Variants in CST4 observed in about 807,000 individuals in gnomAD.
The protein encoded by CST4 is cystatin-S.
Under a neutral mutation model 11.2 loss-of-function variants are expected in CST4, and 17 were observed. The ratio of observed to expected loss-of-function variants is 1.52; its 90% CI spans 1.04 to 2.27. CST4 has a LOEUF of 2.27. Ranked by LOEUF, CST4 falls within the 30% of genes most tolerant of loss-of-function variation. CST4 has a pLI of 0.00. For missense variants in CST4, 251 were observed against 180.2 expected, an observed-to-expected ratio of 1.39 and a Z score of -2.25; for synonymous variants, 93 against 70.1, an observed-to-expected ratio of 1.33 and a Z score of -1.63.
At chr20:23,688,195 A>G (rs1346130164) in intron 1 of CST4, among the ~76,000 whole-genome samples, 1 of 152,190 alleles carries the variant, frequency 6.6e-6, no homozygotes, top group East Asian at 1.9e-4. Flanking sequence ...ATCAGCTCGT[A>G]GAGGCAGGGC....
At chr20:23,688,070 A>G (rs1981104034) in intron 1 of CST4, among the ~76,000 whole-genome samples, 1 of 152,200 alleles carries the variant, frequency 6.6e-6, no homozygotes, top group Non-Finnish European at 1.5e-5. Context: ...CTGCTCTGCC[A>G]TGGGATGCAG....
rs753486384 is a variant in CST4, at chr20:23,685,933, G to T, written c.387C>A (p.Asp129Glu). ...SFEIYEVPWE[D>E]RMSLVNSRCQ... ...ACCTGGAATTCACCAGGGACATTCT[G>T]TCCTCCCAGGGAACTTCGTAGATCT... Residue 129 changes from aspartate to glutamate, a missense_variant, in exon 3 of 3, where the codon GAC becomes GAA. Asp to Glu is a conservative substitution (Grantham distance 45, BLOSUM62 2). Coordinates refer to ENST00000217423, the MANE Select transcript of CST4 (RefSeq NM_001899.3). 1.7e-5 allele frequency: 28 copies of T among 1,614,006 alleles called. No homozygotes were observed. Among genetic ancestry groups the T allele is most frequent in the Non-Finnish European group, 2.2e-5 (26 of 1,179,966 alleles).
chr20:23,686,175 C>A (rs1352908354), intron 2 of CST4, among the ~76,000 whole-genome samples, 198 bp from the exon 3 acceptor site: 1 of 152,120 alleles, frequency 6.6e-6, no homozygotes, highest in African/African-American at 2.4e-5. Flanking sequence ...TCCAAGTCAC[C>A]AGGTGGCATT....
intron 1 of CST4, among the ~76,000 whole-genome samples, chr20:23,687,959 G>T (rs1293740526): frequency 6.6e-6 from 1 of 152,242 alleles, no homozygotes; most frequent in Non-Finnish European, 1.5e-5. Flanking sequence ...TGTGCAGGGT[G>T]AGGGCTCCAG....
At chr20:23,686,148 A>C (rs947272228) in intron 2 of CST4, among the ~76,000 whole-genome samples, 171 bp from the exon 3 acceptor site, 2 of 152,066 alleles carry the variant, frequency 1.3e-5, no homozygotes, top group African/African-American at 4.8e-5. Flanking sequence ...TGACTGTACC[A>C]TTACCCCTCC....
At chr20:23,687,020 A>T (rs6048993) in intron 2 of CST4, 68 bp downstream of exon 2, 1 of 1,598,232 alleles carries the variant, frequency 6.3e-7, no homozygotes, top group East Asian at 2.2e-5. Flanking sequence ...CATGGGTAGG[A>T]CAGAGGCTGA....
intron 1 of CST4, among the ~76,000 whole-genome samples, 184 bp from the exon 2 acceptor site, chr20:23,687,385 T>A (rs1197535803): frequency 1.3e-5 from 2 of 152,134 alleles, no homozygotes; most frequent in South Asian, 2.1e-4. Context: ...TCATGCCCGC[T>A]CTTAAACATC....
At position 23,688,865 on chromosome 20, in the gene CST4, A is replaced by G; in HGVS notation, c.105T>C (p.Tyr35=). The G allele has an allele frequency of 6.2e-7, 1 of 1,614,182 alleles. No individual in the cohort carries two copies. Among genetic ancestry groups the G allele is most frequent in the Non-Finnish European group, 8.5e-7 (1 of 1,180,012 alleles). The change falls in exon 1 of 3, where the codon TAT becomes TAC. Residue 35 remains tyrosine (Y), a synonymous_variant. Transcript: ENST00000217423. ...CCCACTCATCATTGAGGTCTGCATC[A>G]TAGATGCCACCTGGGATTATCCTAT... ...EENRIIPGGI[Y]DADLNDEWVQ...
rs150921984 is a variant in CST4 at position 23,688,774 on chromosome 20, G to A, written c.196C>T (p.Arg66Cys). 1.0e-4 allele frequency: 161 copies of A among 1,614,174 alleles called. 1 individual carries two copies. The highest frequency in any genetic ancestry group is 6.9e-4 in the African/African-American group (52 of 75,052). ...CTGGCTCGCAGCACCTGCAGCGGGC[G>A]TCTGTAGTACTCATCTTCGGTGGCC... is the stretch of plus-strand genomic sequence containing the variant. The part of the protein sequence containing the change: ...NKATEDEYYR[R>C]PLQVLRAREQ... The change falls in exon 1 of 3, where the codon CGC becomes TGC. Residue 66 changes from arginine (R) to cysteine (C), a missense_variant. Physicochemically the swap from Arg to Cys is radical, Grantham distance 180. Coordinates refer to ENST00000217423, the MANE Select transcript of CST4 (RefSeq NM_001899.3).
rs1160956711 is a variant in CST4 at position 23,688,866 on chromosome 20, T to C, written c.104A>G (p.Tyr35Cys). 6.2e-7 allele frequency: 1 copy of C among 1,614,004 alleles called. No individual in the cohort carries two copies. Among genetic ancestry groups the C allele is most frequent in the Non-Finnish European group, 8.5e-7 (1 of 1,180,012 alleles). The stretch of plus-strand genomic sequence containing the variant: ...CCACTCATCATTGAGGTCTGCATCA[T>C]AGATGCCACCTGGGATTATCCTATT... ...EENRIIPGGI[Y>C]DADLNDEWVQ... Residue 35 changes from tyrosine to cysteine, a missense_variant, in exon 1 of 3, where the codon TAT (tyrosine) becomes TGT (cysteine). Physicochemically the swap from Tyr to Cys is radical, Grantham distance 194. Transcript: ENST00000217423.
At chr20:23,686,062 T>C (rs536098359) in intron 2 of CST4, 85 bp from the exon 3 acceptor site, 2 of 1,414,582 alleles carry the variant, frequency 1.4e-6, no homozygotes, top group African/African-American at 2.9e-5. Context: ...ACAGCCTGGG[T>C]GAGGAGGATG....
rs375884214 is a variant in CST4 at position 23,685,849 on chromosome 20, G to C, written c.*45C>G. On this transcript the variant is annotated 3_prime_UTR_variant, in exon 3 of 3. Transcript: ENST00000217423. ...GTCCAGGGGTGGGAGCACTACAGTGGGTGGGAGTGGGTGGTGGTCGGTGTG... is the reference window on the plus strand; with the variant it reads ...GTCCAGGGGTGGGAGCACTACAGTGCGTGGGAGTGGGTGGTGGTCGGTGTG... The C allele has an allele frequency of 1.3e-6, 2 of 1,597,674 alleles. No individual in the cohort carries two copies. Among genetic ancestry groups the C allele is most frequent in the South Asian group, 2.2e-5 (2 of 90,624 alleles).
In CST4 at chr20:23,687,142, C is replaced by T. The variant is rs6048994; in HGVS notation, c.288G>A (p.Lys96=). The change falls in exon 2 of 3, where the codon AAG becomes AAA. Residue 96 remains lysine, a synonymous_variant. Coordinates refer to ENST00000217423, the MANE Select transcript of CST4 (RefSeq NM_001899.3). ...CACAGGTGTCCAAGTTGGGCTGGGA[C>T]TTGGTACATATGGTGCGGCCCACCT... The part of the protein sequence containing the change: ...DVEVGRTICT[K]SQPNLDTCAF... 2.2e-3 allele frequency: 3,516 copies of T among 1,614,144 alleles called. 62 individuals are homozygous for T. The African/African-American group carries it at 0.039, about 18-fold the overall frequency.
Position 23,685,770 on chromosome 20 carries a change from T to C in CST4, c.*124A>G. 1.1e-6 allele frequency: 1 copy of C among 948,416 alleles called. No homozygotes were observed. 58.8% of individuals were successfully genotyped at this position (948,416 alleles called of 1,614,324 possible). A position where few individuals can be genotyped will look rare whatever the true frequency, so the allele number is the denominator to read the frequency against. On this transcript the variant is annotated 3_prime_UTR_variant, in exon 3 of 3. Transcript: ENST00000217423. ...CAAAGGACTCCTGCAGCCTTCTCTG[T>C]CTGTCTCTTGGCACAGGCACATGGG...
rs111636715 is a variant in CST4, at chr20:23,687,174, C to T, written c.256G>A (p.Asp86Asn). ...CATATGGTGCGGCCCACCTCTACGTCGAAGAAGTAATTCACCCCCCCAAAG... is the reference window on the plus strand; with the variant it reads ...CATATGGTGCGGCCCACCTCTACGTTGAAGAAGTAATTCACCCCCCCAAAG... ...QTFGGVNYFF[D>N]VEVGRTICTK... is the part of the protein sequence containing the mutation. Residue 86 changes from aspartate to asparagine, a missense_variant, in exon 2 of 3, where the codon GAC becomes AAC. Coordinates refer to ENST00000217423, the MANE Select transcript of CST4 (RefSeq NM_001899.3). 107 of 1,613,846 alleles carry T rather than the reference C, an allele frequency of 6.6e-5. No homozygotes were observed. Among genetic ancestry groups the T allele is most frequent in the Admixed American group, 8.3e-5 (5 of 60,002 alleles).
intron 1 of CST4, among the ~76,000 whole-genome samples, chr20:23,688,197 A>C (rs1981108412): frequency 6.6e-6 from 1 of 152,188 alleles, no homozygotes; most frequent in South Asian, 2.1e-4. Context: ...CAGCTCGTAG[A>C]GGCAGGGCCA....
At position 23,688,993 on chromosome 20, in the gene CST4, A is replaced by G. The variant is rs7267397; in HGVS notation, c.-24T>C. Reference sequence around the variant, plus strand: ...ATGGTCTCCTCAGAGGCAGAGCACAAAGCTGGAGCTGCAGGAGAGGAGGGT... The same window carrying G: ...ATGGTCTCCTCAGAGGCAGAGCACAGAGCTGGAGCTGCAGGAGAGGAGGGT... On this transcript the variant is annotated 5_prime_UTR_variant, in exon 1 of 3. Coordinates refer to ENST00000217423, the MANE Select transcript of CST4 (RefSeq NM_001899.3). 672,978 of 1,606,324 alleles carry G rather than the reference A, an allele frequency of 0.42. 151,406 individuals are homozygous for G. Among genetic ancestry groups the G allele is most frequent in the African/African-American group, 0.84 (62,652 of 74,624 alleles).
At chr20:23,686,598 C>G (rs1174893175) in intron 2 of CST4, among the ~76,000 whole-genome samples, 5 of 152,116 alleles carry the variant, frequency 3.3e-5, no homozygotes, top group Non-Finnish European at 7.4e-5. Flanking sequence ...TCCCCTTCTC[C>G]CTGCCCAGCA....
rs183614742 is a variant in CST4, at chr20:23,687,344, C to A, written c.229-143G>T. ...TGTCAACACAAGGCACACAAGCCCC[C>A]TCTTCCTGTCAGCTGGCAGGGTGCT... is the stretch of plus-strand genomic sequence containing the variant. On this transcript the variant is annotated intron_variant, in intron 1 of 2. Coordinates refer to ENST00000217423, the MANE Select transcript of CST4 (RefSeq NM_001899.3). The A allele has an allele frequency of 4.7e-4, 383 of 807,044 alleles. No individual in the cohort carries two copies. The African/African-American group carries it at 5.6e-3, about 12-fold the overall frequency. 50.0% of individuals were successfully genotyped at this position (807,044 alleles called of 1,614,324 possible).
Sources: allele counts gnomAD v4.1 joint callset (sites outside exome capture counted in the v4.1 genomes callset), GRCh38; gene constraint gnomAD v4.1.1; transcripts MANE v1.5; gene names NCBI Gene and HGNC (gene_info 2026-07-23, HGNC 2026-07-21).